C10orf90: variants seen among roughly 807,000 people sequenced by gnomAD.
C10orf90 encodes (E2-independent) E3 ubiquitin-conjugating enzyme FATS.
A neutral mutation model predicts 62.5 loss-of-function variants in C10orf90; 56 were observed. The ratio of observed to expected loss-of-function variants is 0.90; its 90% CI spans 0.72 to 1.12. The LOEUF is 1.12. Among genes scored for constraint, C10orf90 ranks in the 50% most tolerant of loss-of-function variants. The pLI is 0.00. For missense variants in C10orf90, 970 were observed against 880.4 expected (o/e 1.10, Z -1.29); for synonymous variants, 386 against 340.4 (o/e 1.13, Z -1.47).
At chr10:126,503,902 A>C in intron 4 of C10orf90, 55 bp downstream of exon 4, 1 of 1,539,990 alleles carries the variant, frequency 6.5e-7, no homozygotes, top group South Asian at 1.3e-5. Context: ...CTCAACAGTC[A>C]CCTTGCTAGG....
In C10orf90 at chr10:126,438,109, C is replaced by G. The variant is rs554935410; in HGVS notation, c.2189-8259G>C. On this transcript the variant is annotated intron_variant, in intron 7 of 9. Coordinates refer to ENST00000488181, the MANE Select transcript of C10orf90 (RefSeq NM_001350921.2). ...TGTTACAGATGCCGGGGTACACACA[C>G]GGAGACAGCTCCAGGCAAGGTGCAT... Among the ~76,000 whole-genome samples the G allele has an allele frequency of 2.0e-5, 3 of 152,292 alleles. No individual in the cohort carries two copies. The East Asian group carries it at 5.8e-4, about 29-fold the overall frequency.
At chr10:126,623,828 G>A (rs2842157) in intron 2 of C10orf90, among the ~76,000 whole-genome samples, 82,257 of 143,540 alleles carry the variant, frequency 0.57, 23,635 homozygotes, top group Middle Eastern at 0.68. Flanking sequence ...GTGACAGAGC[G>A]AGACTCCATC....
intron 2 of C10orf90, among the ~76,000 whole-genome samples, chr10:126,519,625 CTG>C (rs1287847593): frequency 6.6e-6 from 1 of 152,166 alleles, no homozygotes; most frequent in African/African-American, 2.4e-5. Flanking sequence ...AAAATACTCT[CTG>C]TTAATATTTT....
chr10:126,619,839 C>T (rs1845612292), intron 2 of C10orf90, among the ~76,000 whole-genome samples: 1 of 152,038 alleles, frequency 6.6e-6, no homozygotes, highest in African/African-American at 2.4e-5. Context: ...CGGGGTTTTG[C>T]CATGTTGCCC....
intron 2 of C10orf90, among the ~76,000 whole-genome samples, chr10:126,638,646 C>T (rs1846001184): frequency 6.6e-6 from 1 of 152,138 alleles, no homozygotes; most frequent in African/African-American, 2.4e-5. Flanking sequence ...TGATGAGGGC[C>T]TTGGATGGCC....
At chr10:126,565,468 G>T (rs1256987940) in intron 2 of C10orf90, among the ~76,000 whole-genome samples, 1 of 106,580 alleles carries the variant, frequency 9.4e-6, no homozygotes, top group African/African-American at 3.6e-5. Context: ...ACAAACTTGT[G>T]CATCAGTCAA....
chr10:126,649,817 GGTTGCT>G (rs1024992428), intron 1 of C10orf90, among the ~76,000 whole-genome samples: 1 of 152,208 alleles, frequency 6.6e-6, no homozygotes, highest in Non-Finnish European at 1.5e-5. Flanking sequence ...GAGACCCAGA[GGTTGCT>G]GGGAGCAGGG....
chr10:126,641,848 C>G (rs1433593964), intron 2 of C10orf90, among the ~76,000 whole-genome samples: 1 of 152,048 alleles, frequency 6.6e-6, no homozygotes. Flanking sequence ...TTACACAGGC[C>G]AACAGATTTC....
chr10:126,465,211 G>A (rs1860215229), intron 4 of C10orf90, among the ~76,000 whole-genome samples: 1 of 152,132 alleles, frequency 6.6e-6, no homozygotes, highest in South Asian at 2.1e-4. Context: ...TCTGCAGTGA[G>A]CAATAGAGTG....
intron 4 of C10orf90, chr10:126,496,624 G>A: frequency 2.0e-6 from 2 of 981,996 alleles, no homozygotes; most frequent in Non-Finnish European, 2.4e-6. Flanking sequence ...ACCAAGTGGG[G>A]ATTCTAGTTT....
At chr10:126,507,179 A>G (rs1032242525) in intron 3 of C10orf90, among the ~76,000 whole-genome samples, 1 of 152,054 alleles carries the variant, frequency 6.6e-6, no homozygotes, top group Non-Finnish European at 1.5e-5. Flanking sequence ...AACACGGTGA[A>G]ACTCTGTCTC....
At chr10:126,500,655 A>C (rs1417700397) in intron 4 of C10orf90, among the ~76,000 whole-genome samples, 1 of 152,204 alleles carries the variant, frequency 6.6e-6, no homozygotes, top group Non-Finnish European at 1.5e-5. Context: ...CAAAACATAC[A>C]GGGACTGAGG....
At chr10:126,555,345 G>T (rs534348127) in intron 2 of C10orf90, among the ~76,000 whole-genome samples, 1 of 152,070 alleles carries the variant, frequency 6.6e-6, no homozygotes, top group Non-Finnish European at 1.5e-5. Context: ...GGAAGAGGTT[G>T]ATATATTAAT....
At chr10:126,489,997 TTATATATTA>T (rs1303208588) in intron 4 of C10orf90, among the ~76,000 whole-genome samples, 8 of 95,774 alleles carry the variant, frequency 8.4e-5, no homozygotes, top group South Asian at 3.1e-4. Context: ...ATAATATATA[TTATATATTA>T]TATATATTAT....
chr10:126,543,466 C>G (rs1370101), intron 2 of C10orf90, among the ~76,000 whole-genome samples: 98,901 of 152,030 alleles, frequency 0.65, 33,154 homozygotes, highest in African/African-American at 0.82. Context: ...ATTTGGAAAG[C>G]AGATGTAGGT....
intron 8 of C10orf90, among the ~76,000 whole-genome samples, chr10:126,427,994 G>C (rs1212754180): frequency 1.3e-5 from 2 of 152,114 alleles, no homozygotes; most frequent in Non-Finnish European, 2.9e-5. Flanking sequence ...TTCTGATTCA[G>C]TGTTTTCTTA....
intron 7 of C10orf90, among the ~76,000 whole-genome samples, chr10:126,438,260 A>G (rs992850248): frequency 1.3e-5 from 2 of 152,318 alleles, no homozygotes; most frequent in East Asian, 3.9e-4. Context: ...TAGAGGATGC[A>G]GGTAATGAGG....
chr10:126,606,974 C>G lies in C10orf90; in HGVS notation c.313+39591G>C, dbSNP rs551929280. 2.6e-5 allele frequency among the ~76,000 whole-genome samples: 4 copies of G among 152,256 alleles called. No homozygotes were observed. The South Asian group carries it at 8.3e-4, about 32-fold the overall frequency. ...AGGCATCTCTTAAAACTGTCATTCT[C>G]AAAAGATAGGGATTTCCATGATCCT... On this transcript the variant is annotated intron_variant, in intron 2 of 9. Transcript: ENST00000488181.
chr10:126,546,593 G>C (rs944677090), intron 2 of C10orf90, among the ~76,000 whole-genome samples: 1 of 152,208 alleles, frequency 6.6e-6, no homozygotes, highest in Non-Finnish European at 1.5e-5. Context: ...CCCACCCAGG[G>C]AGATGTCAGT....
Sources: gnomAD v4.1 joint callset for allele counts (sites outside exome capture counted in the v4.1 genomes callset) on GRCh38, gnomAD v4.1.1 for gene constraint, MANE v1.5 for transcripts, NCBI Gene and HGNC (gene_info 2026-07-23, HGNC 2026-07-21) for gene names.